CNTNAP2: variants seen among roughly 807,000 people sequenced by gnomAD.
CNTNAP2 encodes the protein contactin-associated protein-like 2.
Under a neutral mutation model 155.2 loss-of-function variants are expected in CNTNAP2, and 98 were observed. The observed-to-expected ratio is 0.63, with a 90% CI of 0.54 to 0.75. The LOEUF is 0.75. CNTNAP2 is among the 30% of genes least tolerant of loss of function. CNTNAP2 has a pLI of 0.00. For synonymous variants in CNTNAP2, 651 were observed against 631.2 expected (o/e 1.03, Z -0.47); for missense variants, 1,727 against 1,688.1 (o/e 1.02, Z -0.40).
At chr7:147,138,839 A>G (rs920015550) in intron 8 of CNTNAP2, among the ~76,000 whole-genome samples, 2 of 152,054 alleles carry the variant, frequency 1.3e-5, no homozygotes, top group African/African-American at 4.8e-5. Context: ...GTATGTGTGT[A>G]TAATAATTTT....
chr7:147,347,060 T>A (rs1176037105), intron 9 of CNTNAP2, among the ~76,000 whole-genome samples: 1 of 152,166 alleles, frequency 6.6e-6, no homozygotes, highest in Non-Finnish European at 1.5e-5. Flanking sequence ...TATTGTTTAG[T>A]GGAAGAGATA....
chr7:147,005,881 G>A (rs1798514432), intron 3 of CNTNAP2, among the ~76,000 whole-genome samples: 2 of 151,954 alleles, frequency 1.3e-5, no homozygotes, highest in South Asian at 2.1e-4. Flanking sequence ...AATCCTTATG[G>A]AGACATATTT....
At chr7:148,188,884 T>G (rs1191436452) in intron 18 of CNTNAP2, among the ~76,000 whole-genome samples, 4 of 152,244 alleles carry the variant, frequency 2.6e-5, no homozygotes, top group Non-Finnish European at 5.9e-5. Context: ...TTACCAAAAT[T>G]TATTTAACCT....
chr7:147,412,726 T>C (rs1219030083), intron 10 of CNTNAP2, among the ~76,000 whole-genome samples: 1 of 152,204 alleles, frequency 6.6e-6, no homozygotes, highest in Non-Finnish European at 1.5e-5. Flanking sequence ...GATTTAGCAA[T>C]GCTTTATGAG....
At chr7:146,927,319 G>A (rs1796627909) in intron 3 of CNTNAP2, among the ~76,000 whole-genome samples, 1 of 152,116 alleles carries the variant, frequency 6.6e-6, no homozygotes, top group Non-Finnish European at 1.5e-5. Context: ...TTTGCTGAAA[G>A]AGGTTGGTTT....
At chr7:147,170,499 C>T (rs1802205228) in intron 8 of CNTNAP2, among the ~76,000 whole-genome samples, 1 of 152,116 alleles carries the variant, frequency 6.6e-6, no homozygotes, top group Non-Finnish European at 1.5e-5. Flanking sequence ...GGATAGACCA[C>T]GCCCTTACTG....
At chr7:147,308,529 C>T (rs1795070610) in intron 9 of CNTNAP2, among the ~76,000 whole-genome samples, 2 of 152,104 alleles carry the variant, frequency 1.3e-5, no homozygotes, top group Non-Finnish European at 2.9e-5. Context: ...GGTGTGAAAG[C>T]CAAAGGGTCA....
At chr7:146,927,013 A>C (rs1424381584) in intron 3 of CNTNAP2, among the ~76,000 whole-genome samples, 1 of 152,196 alleles carries the variant, frequency 6.6e-6, no homozygotes, top group East Asian at 1.9e-4. Flanking sequence ...AGCAAAAAGA[A>C]TGTTGACAGA....
At chr7:147,139,865 C>T (rs1801559472) in intron 8 of CNTNAP2, among the ~76,000 whole-genome samples, 1 of 152,008 alleles carries the variant, frequency 6.6e-6, no homozygotes, top group African/African-American at 2.4e-5. Flanking sequence ...GAGAGTCATT[C>T]AACATGCATA....
intron 12 of CNTNAP2, among the ~76,000 whole-genome samples, chr7:147,613,196 A>G (rs1801220049): frequency 1.3e-5 from 2 of 152,232 alleles, no homozygotes; most frequent in Admixed American, 1.3e-4. Flanking sequence ...CAAACATAAA[A>G]TAAAACCTCA....
intron 1 of CNTNAP2, among the ~76,000 whole-genome samples, chr7:146,657,812 A>G (rs556091369): frequency 6.6e-6 from 1 of 152,238 alleles, no homozygotes; most frequent in South Asian, 2.1e-4. Context: ...TGTCAAAGAA[A>G]CCTTTTAGAA....
chr7:147,189,808 G>A (rs1386281786), intron 8 of CNTNAP2, among the ~76,000 whole-genome samples: 1 of 152,016 alleles, frequency 6.6e-6, no homozygotes, highest in Non-Finnish European at 1.5e-5. Context: ...GCAGTGGCGC[G>A]ATCTCGGCTC....
intron 1 of CNTNAP2, among the ~76,000 whole-genome samples, chr7:146,367,315 AGC>A (rs1210527748): frequency 6.6e-6 from 1 of 152,190 alleles, no homozygotes; most frequent in Non-Finnish European, 1.5e-5. Context: ...TTATCTTGTA[AGC>A]GGCAGAGCAA....
chr7:146,256,140 C>G (rs112768557), intron 1 of CNTNAP2, among the ~76,000 whole-genome samples: 6,305 of 152,204 alleles, frequency 0.041, 397 homozygotes, highest in African/African-American at 0.14. Context: ...CTGGAAGCTT[C>G]TTTGGGTCAT....
At chr7:146,736,647 C>T (rs771115775) in intron 1 of CNTNAP2, among the ~76,000 whole-genome samples, 8 of 152,188 alleles carry the variant, frequency 5.3e-5, no homozygotes, top group Non-Finnish European at 1.0e-4. Context: ...AGCTCTCAAC[C>T]GCTGTGCTGC....
rs140873993 is a variant in CNTNAP2 at position 146,664,351 on chromosome 7, G to A, written c.98-109920G>A. ...TAATTTTGTATTTTCAGTAGGGATG[G>A]GTTTTTGCCATGTTGGCCAGACTGG... On this transcript the variant is annotated intron_variant, in intron 1 of 23. Transcript: ENST00000361727. Among the ~76,000 whole-genome samples, 31 of 151,670 alleles carry A rather than the reference G, an allele frequency of 2.0e-4. 1 individual carries two copies. The Middle Eastern group carries it at 0.017, about 84-fold the overall frequency.
At chr7:147,478,981 G>A (rs942191039) in intron 10 of CNTNAP2, among the ~76,000 whole-genome samples, 1 of 152,218 alleles carries the variant, frequency 6.6e-6, no homozygotes, top group Non-Finnish European at 1.5e-5. Flanking sequence ...ACTTGAGCAA[G>A]AGCAGGGTGA....
At chr7:148,203,964 G>A (rs1243515204) in intron 18 of CNTNAP2, among the ~76,000 whole-genome samples, 2 of 152,082 alleles carry the variant, frequency 1.3e-5, no homozygotes, top group Non-Finnish European at 2.9e-5. Context: ...TTTTGAAGAG[G>A]CATAGTAAAG....
intron 13 of CNTNAP2, among the ~76,000 whole-genome samples, chr7:147,644,546 C>T (rs1021175230): frequency 3.3e-5 from 5 of 152,096 alleles, no homozygotes; most frequent in Non-Finnish European, 7.4e-5. Context: ...CACTTGAACT[C>T]GGGAGGCAGA....
Sources: allele counts gnomAD v4.1 joint callset (sites outside exome capture counted in the v4.1 genomes callset), GRCh38; gene constraint gnomAD v4.1.1; transcripts MANE v1.5; gene names NCBI Gene and HGNC (gene_info 2026-07-23, HGNC 2026-07-21).